The following CLTA variants were observed in gnomAD, a reference collection of about 807,000 sequenced individuals.
The protein encoded by CLTA is clathrin, light polypeptide (Lca).
In CLTA, 9 loss-of-function variants were observed where a neutral mutation model predicts 26.9. The observed-to-expected ratio is 0.33, with a 90% CI of 0.20 to 0.58. CLTA has a LOEUF of 0.58. Ranked by LOEUF, CLTA falls within the 20% of genes least tolerant of loss-of-function variation. The pLI is 0.85. For synonymous variants in CLTA, 120 were observed against 115.5 expected, an observed-to-expected ratio of 1.04 and a Z score of -0.25; for missense variants, 278 against 294.2, an observed-to-expected ratio of 0.94 and a Z score of 0.40.
chr9:36,196,364 TGAGATGGA>T (rs1827044459), intron 1 of CLTA, among the ~76,000 whole-genome samples: 1 of 150,486 alleles, frequency 6.6e-6, no homozygotes, highest in Non-Finnish European at 1.5e-5. Flanking sequence ...TTTTATTTTT[TGAGATGGA>T]GTCTCGCTCC....
At chr9:36,200,130 G>A (rs1424505827) in intron 3 of CLTA, among the ~76,000 whole-genome samples, 1 of 152,202 alleles carries the variant, frequency 6.6e-6, no homozygotes, top group Non-Finnish European at 1.5e-5. Context: ...TGTACATGGT[G>A]GATTGGAGAA....
At chr9:36,193,316 T>TC (rs1476914210) in intron 1 of CLTA, among the ~76,000 whole-genome samples, 3 of 148,984 alleles carry the variant, frequency 2.0e-5, no homozygotes, top group African/African-American at 7.5e-5. Flanking sequence ...TCTTTTTCCT[T>TC]CTTTTTTTTT....
At position 36,211,886 on chromosome 9, in the gene CLTA, C is replaced by CT. The variant is rs1828067322; in HGVS notation, c.*115dup. 87 of 905,238 alleles carry CT rather than the reference C, an allele frequency of 9.6e-5. 1 individual carries two copies. The South Asian group carries it at 1.4e-3, about 15-fold the overall frequency. 56.1% of individuals were successfully genotyped at this position (905,238 alleles called of 1,614,324 possible). A position where few individuals can be genotyped will look rare whatever the true frequency, so the allele number is the denominator to read the frequency against. The stretch of plus-strand genomic sequence containing the variant: ...GTTCTTTTGGACCAAACCTTTTTGT[C>CT]TTTAGAGTTGTTCATTGTTTGTGAT... On this transcript the variant is annotated 3_prime_UTR_variant, in exon 5 of 5. Coordinates refer to ENST00000345519, the MANE Select transcript of CLTA (RefSeq NM_001833.4).
rs766906261 is a variant in CLTA at position 36,210,638 on chromosome 9, C to T, written c.486-965C>T. The T allele has an allele frequency of 1.9e-6, 3 of 1,614,000 alleles. No homozygotes were observed. In the African/African-American group the frequency reaches 4.0e-5, roughly 22 times the overall value. On this transcript the variant is annotated intron_variant, in intron 4 of 4. Transcript: ENST00000345519. ...TTCACCTTTAAGCACAAACATAAAC[C>T]ATCCTTGCTACAGCCTAGAACAGTT...
intron 1 of CLTA, among the ~76,000 whole-genome samples, chr9:36,192,177 C>G (rs925082164): frequency 1.1e-4 from 17 of 152,204 alleles, no homozygotes; most frequent in Admixed American, 9.2e-4. Flanking sequence ...TTAAAAAATT[C>G]CAACTAAGGG....
intron 3 of CLTA, among the ~76,000 whole-genome samples, chr9:36,200,583 C>A (rs1827349710): frequency 6.6e-6 from 1 of 152,136 alleles, no homozygotes; most frequent in African/African-American, 2.4e-5. Context: ...CAATTAGTGC[C>A]AAATCATTTA....
intron 4 of CLTA, among the ~76,000 whole-genome samples, chr9:36,207,014 A>G (rs1250117572): frequency 6.6e-6 from 1 of 152,158 alleles, no homozygotes; most frequent in Non-Finnish European, 1.5e-5. Context: ...GAAAGATGAG[A>G]AGTTTGAAAG....
Position 36,212,009 on chromosome 9 carries a change from A to G in CLTA, c.*235A>G. The G allele has an allele frequency of 1.5e-6, 1 of 672,190 alleles. No individual in the cohort carries two copies. The highest frequency in any genetic ancestry group is 2.8e-5 in the East Asian group (1 of 35,160). 41.6% of individuals were successfully genotyped at this position (672,190 alleles called of 1,614,324 possible). On this transcript the variant is annotated 3_prime_UTR_variant, in exon 5 of 5. Transcript: ENST00000345519. ...GGGAAGCTTCCCAAGAGTAGCCTCA[A>G]CCTGTGCTTCTGTGCATTATTCTGA...
chr9:36,200,711 C>T (rs1252791074), intron 3 of CLTA, among the ~76,000 whole-genome samples: 6 of 152,234 alleles, frequency 3.9e-5, no homozygotes, highest in Admixed American at 3.9e-4. Flanking sequence ...TGTGCTGTCT[C>T]GTATGGTAGC....
chr9:36,207,392 C>G (rs1348434961), intron 4 of CLTA, among the ~76,000 whole-genome samples: 1 of 152,224 alleles, frequency 6.6e-6, no homozygotes, highest in Non-Finnish European at 1.5e-5. Context: ...TTGTGCTTGT[C>G]AGCTCTTTCA....
chr9:36,211,483 G>A (rs771230531), intron 4 of CLTA, 120 bp from the exon 5 acceptor site: 9 of 1,376,598 alleles, frequency 6.5e-6, no homozygotes, highest in Non-Finnish European at 7.9e-6. Context: ...CTGTTATCTT[G>A]GGAAAGCCAG....
intron 4 of CLTA, among the ~76,000 whole-genome samples, chr9:36,207,975 C>T (rs1827815933): frequency 6.6e-6 from 1 of 152,176 alleles, no homozygotes; most frequent in South Asian, 2.1e-4. Context: ...TCAGCCTGCT[C>T]TTTTTGCTTT....
intron 4 of CLTA, among the ~76,000 whole-genome samples, chr9:36,208,093 A>G (rs1827824659): frequency 1.3e-5 from 2 of 152,208 alleles, no homozygotes; most frequent in Admixed American, 6.5e-5. Flanking sequence ...TTGCCTTCAA[A>G]TAAGTATGTG....
chr9:36,210,631 C>T, intron 4 of CLTA: 2 of 1,614,214 alleles, frequency 1.2e-6, no homozygotes, highest in Non-Finnish European at 1.7e-6. Context: ...TAAGCACAAA[C>T]ATAAACCATC....
At position 36,211,795 on chromosome 9, in the gene CLTA, C is replaced by T. The variant is rs1409560684; in HGVS notation, c.*21C>T. 1 of 1,568,862 alleles carries T rather than the reference C, an allele frequency of 6.4e-7. No homozygotes were observed. Among genetic ancestry groups the T allele is most frequent in the African/African-American group, 1.4e-5 (1 of 73,990 alleles). On this transcript the variant is annotated 3_prime_UTR_variant, in exon 5 of 5. Coordinates refer to ENST00000345519, the MANE Select transcript of CLTA (RefSeq NM_001833.4). The stretch of plus-strand genomic sequence containing the variant: ...ACTGAAGAGCCACCCTGTGGAAACA[C>T]TACATCTGCAATATCTTAATCCTAC...
Position 36,191,077 on chromosome 9 carries a change from C to T in CLTA, c.21C>T (p.Phe7=). MAELDP[F]GAPAGAPGGP... Reference sequence around the variant, plus strand: ...CCGCCATGGCTGAGCTGGATCCGTTCGGCGCCCCTGCCGGCGCCCCTGGCG... The same window carrying T: ...CCGCCATGGCTGAGCTGGATCCGTTTGGCGCCCCTGCCGGCGCCCCTGGCG... Residue 7 remains phenylalanine (F), a synonymous_variant, in exon 1 of 5, where the codon TTC becomes TTT. Coordinates refer to ENST00000345519, the MANE Select transcript of CLTA (RefSeq NM_001833.4). The T allele has an allele frequency of 6.3e-7, 1 of 1,581,134 alleles. No homozygotes were observed. Among genetic ancestry groups the T allele is most frequent in the Admixed American group, 1.8e-5 (1 of 56,020 alleles).
intron 1 of CLTA, among the ~76,000 whole-genome samples, chr9:36,194,752 A>G (rs1400894274): frequency 6.6e-6 from 1 of 152,256 alleles, no homozygotes; most frequent in Non-Finnish European, 1.5e-5. Context: ...CTTCTGAAGC[A>G]TCGTGTTGCT....
chr9:36,204,729 G>A (rs1183840814), intron 4 of CLTA, among the ~76,000 whole-genome samples: 1 of 152,190 alleles, frequency 6.6e-6, no homozygotes, highest in Non-Finnish European at 1.5e-5. Context: ...TGTTCTGTTT[G>A]AAATAGATTT....
At chr9:36,206,005 C>T (rs1187811680) in intron 4 of CLTA, among the ~76,000 whole-genome samples, 3 of 152,138 alleles carry the variant, frequency 2.0e-5, no homozygotes, top group South Asian at 2.1e-4. Context: ...CGTGATCTGC[C>T]TTCCTTGGCC....
Sources: allele counts gnomAD v4.1 joint callset (sites outside exome capture counted in the v4.1 genomes callset), GRCh38; gene constraint gnomAD v4.1.1; transcripts MANE v1.5; gene names NCBI Gene and HGNC (gene_info 2026-07-23, HGNC 2026-07-21).